CDH12: variants seen among roughly 807,000 people sequenced by gnomAD.
CDH12 encodes the protein cadherin 12.
In CDH12, 41 loss-of-function variants were observed where a neutral mutation model predicts 74.1. The ratio of observed to expected loss-of-function variants is 0.55; its 90% CI spans 0.43 to 0.72. The LOEUF (loss-of-function observed/expected upper bound fraction) is 0.72. CDH12 is among the 30% of genes least tolerant of loss of function. The pLI is 0.00. For missense variants in CDH12, 945 were observed against 977.2 expected, an observed-to-expected ratio of 0.97 and a Z score of 0.44; for synonymous variants, 399 against 355.0, an observed-to-expected ratio of 1.12 and a Z score of -1.39.
At chr5:22,110,388 C>T (rs1025062046) in intron 4 of CDH12, among the ~76,000 whole-genome samples, 25 of 151,614 alleles carry the variant, frequency 1.6e-4, no homozygotes, top group Admixed American at 3.3e-4. Context: ...AGGCCAGGTA[C>T]GCTACATGGG....
At chr5:22,694,350 T>C (rs1317538973) in intron 1 of CDH12, among the ~76,000 whole-genome samples, 1 of 152,190 alleles carries the variant, frequency 6.6e-6, no homozygotes, top group Non-Finnish European at 1.5e-5. Context: ...TCCTTCTACA[T>C]TCCAAAATCT....
chr5:22,669,450 C>T (rs553937392), intron 1 of CDH12, among the ~76,000 whole-genome samples: 18 of 152,222 alleles, frequency 1.2e-4, no homozygotes, highest in African/African-American at 3.1e-4. Context: ...CATATTCTCC[C>T]CTTCTTGCTT....
intron 4 of CDH12, among the ~76,000 whole-genome samples, chr5:22,099,173 C>A (rs1405058112): frequency 1.3e-5 from 2 of 152,124 alleles, no homozygotes; most frequent in Admixed American, 6.5e-5. Flanking sequence ...GAGAAGGCCA[C>A]CACTGTCATT....
intron 1 of CDH12, among the ~76,000 whole-genome samples, chr5:22,512,687 A>G (rs1288591968): frequency 6.6e-6 from 1 of 152,196 alleles, no homozygotes; most frequent in East Asian, 1.9e-4. Context: ...TTTTAAAAGG[A>G]GGTGAAGTCT....
chr5:21,981,412 T>C (rs569868620), intron 5 of CDH12, among the ~76,000 whole-genome samples: 1 of 152,096 alleles, frequency 6.6e-6, no homozygotes, highest in African/African-American at 2.4e-5. Flanking sequence ...TTTCTACCCA[T>C]TTGTCTATCT....
chr5:22,222,925 A>C (rs1752069155), intron 3 of CDH12, among the ~76,000 whole-genome samples: 1 of 152,048 alleles, frequency 6.6e-6, no homozygotes, highest in South Asian at 2.1e-4. Flanking sequence ...CTAATTATTC[A>C]AGAATTATTA....
At chr5:22,487,959 T>C (rs1409541103) in intron 2 of CDH12, among the ~76,000 whole-genome samples, 1 of 152,236 alleles carries the variant, frequency 6.6e-6, no homozygotes. Flanking sequence ...TCTGATAATA[T>C]AAATGTCAAT....
chr5:22,111,310 C>T (rs964970556), intron 4 of CDH12, among the ~76,000 whole-genome samples: 5 of 151,994 alleles, frequency 3.3e-5, no homozygotes, highest in African/African-American at 1.2e-4. Flanking sequence ...AGAGATATAC[C>T]TTTAAAAGTT....
chr5:22,582,058 A>G (rs535348188), intron 1 of CDH12, among the ~76,000 whole-genome samples: 3 of 152,206 alleles, frequency 2.0e-5, no homozygotes, highest in South Asian at 2.1e-4. Context: ...AAAAAAAACA[A>G]TATGTTTGTC....
chr5:21,970,869 A>AAAAAAAAAAAAAAAAAC (rs1756820904), intron 6 of CDH12, among the ~76,000 whole-genome samples: 1 of 143,424 alleles, frequency 7.0e-6, no homozygotes, highest in African/African-American at 2.6e-5. Context: ...AAAAAAAAAA[A>AAAAAAAAAAAAAAAAAC]AAAAAGAAAA....
At chr5:22,583,883 GA>G (rs1561507897) in intron 1 of CDH12, among the ~76,000 whole-genome samples, 3 of 152,004 alleles carry the variant, frequency 2.0e-5, no homozygotes. Context: ...TATTATTCAT[GA>G]AATAAACTAT....
intron 3 of CDH12, among the ~76,000 whole-genome samples, chr5:22,384,785 C>T (rs935224768): frequency 2.0e-5 from 3 of 151,862 alleles, no homozygotes. Context: ...CAAATTAGAG[C>T]GACTAAATTT....
chr5:22,027,260 T>C (rs1046640267), intron 5 of CDH12, among the ~76,000 whole-genome samples: 8 of 152,170 alleles, frequency 5.3e-5, no homozygotes, highest in Middle Eastern at 3.2e-3. Flanking sequence ...ATCAAGGATA[T>C]TGGTCTAAAA....
intron 2 of CDH12, among the ~76,000 whole-genome samples, chr5:22,425,377 A>G (rs1276953564): frequency 6.6e-6 from 1 of 151,050 alleles, no homozygotes; most frequent in Non-Finnish European, 1.5e-5. Context: ...CAACGAGTGT[A>G]CTGTGTACTT....
chr5:22,509,916 C>A (rs1285262007), intron 1 of CDH12, among the ~76,000 whole-genome samples: 1 of 151,872 alleles, frequency 6.6e-6, no homozygotes. Flanking sequence ...TGGTATAGCA[C>A]TGGAGAATCA....
At chr5:22,733,317 C>T (rs528207518) in intron 1 of CDH12, among the ~76,000 whole-genome samples, 2 of 151,778 alleles carry the variant, frequency 1.3e-5, no homozygotes, top group African/African-American at 2.4e-5. Context: ...ATTTAGCTTA[C>T]ATACAGTTAT....
chr5:22,535,332 A>G (rs1055995096), intron 1 of CDH12, among the ~76,000 whole-genome samples: 31 of 150,868 alleles, frequency 2.1e-4, no homozygotes, highest in African/African-American at 7.1e-4. Context: ...TTTTTTTTGT[A>G]TTTTTAGTAG....
intron 2 of CDH12, among the ~76,000 whole-genome samples, chr5:22,461,084 AGTGAG>A: frequency 8.8e-6 from 1 of 113,842 alleles, no homozygotes; most frequent in Non-Finnish European, 1.6e-5. Flanking sequence ...CCCAGGCTGG[AGTGAG>A]GTGGCACGAT....
At chr5:22,819,998 T>TATATAC (rs1002007612) in intron 1 of CDH12, among the ~76,000 whole-genome samples, 2 of 147,342 alleles carry the variant, frequency 1.4e-5, no homozygotes, top group Non-Finnish European at 3.0e-5. Flanking sequence ...CATATACATA[T>TATATAC]ATATACATAT....
Sources: gnomAD v4.1 joint callset for allele counts (sites outside exome capture counted in the v4.1 genomes callset) on GRCh38, gnomAD v4.1.1 for gene constraint, MANE v1.5 for transcripts, NCBI Gene and HGNC (gene_info 2026-07-23, HGNC 2026-07-21) for gene names.